Variants in PDGFC observed in about 807,000 individuals in gnomAD.
The protein encoded by PDGFC is platelet derived growth factor C.
In PDGFC, 12 loss-of-function variants were observed where a neutral mutation model predicts 35.5. The ratio of observed to expected loss-of-function variants is 0.34; its 90% CI spans 0.22 to 0.55. The LOEUF is 0.55. PDGFC is among the 20% of genes least tolerant of loss of function. The pLI, the probability that PDGFC is intolerant of heterozygous loss-of-function variation, is 0.91. For missense variants in PDGFC, 322 were observed against 412.4 expected (o/e 0.78, Z 1.90); for synonymous variants, 159 against 148.8 (o/e 1.07, Z -0.50).
intron 3 of PDGFC, among the ~76,000 whole-genome samples, chr4:156,791,525 A>G (rs1048780602): frequency 1.3e-5 from 2 of 152,172 alleles, no homozygotes; most frequent in African/African-American, 4.8e-5. Flanking sequence ...AGAGGAAATA[A>G]TGTAAAGAAT....
At chr4:156,821,552 T>C (rs1732261061) in intron 2 of PDGFC, among the ~76,000 whole-genome samples, 1 of 152,064 alleles carries the variant, frequency 6.6e-6, no homozygotes, top group Admixed American at 6.5e-5. Flanking sequence ...ATATTTATTT[T>C]ATTTTATCTT....
chr4:156,948,563 C>T (rs1732002590), intron 1 of PDGFC, among the ~76,000 whole-genome samples: 1 of 151,930 alleles, frequency 6.6e-6, no homozygotes, highest in Non-Finnish European at 1.5e-5. Context: ...TTTGCCTTCC[C>T]TGAACCCTCT....
intron 1 of PDGFC, among the ~76,000 whole-genome samples, chr4:156,933,961 C>A (rs558168143): frequency 1.3e-5 from 2 of 152,244 alleles, no homozygotes; most frequent in East Asian, 3.9e-4. Context: ...TATAAATTAC[C>A]CAGTCTCAGG....
chr4:156,909,158 A>C (rs1388461309), intron 1 of PDGFC, among the ~76,000 whole-genome samples: 1 of 152,182 alleles, frequency 6.6e-6, no homozygotes. Context: ...AAATATTCTG[A>C]GTTTGAGAAG....
chr4:156,823,844 C>T (rs754655912), intron 2 of PDGFC, among the ~76,000 whole-genome samples: 9 of 151,996 alleles, frequency 5.9e-5, no homozygotes, highest in South Asian at 4.1e-4. Context: ...TGTCCATCAA[C>T]GAATAAATGG....
chr4:156,768,820 A>T (rs749617182), intron 4 of PDGFC, among the ~76,000 whole-genome samples: 1 of 152,054 alleles, frequency 6.6e-6, no homozygotes, highest in Non-Finnish European at 1.5e-5. Context: ...ACCTAACAAA[A>T]TATTCTTTAT....
chr4:156,820,859 A>G (rs1732234242), intron 2 of PDGFC, among the ~76,000 whole-genome samples: 1 of 152,244 alleles, frequency 6.6e-6, no homozygotes, highest in Admixed American at 6.5e-5. Flanking sequence ...TAGAGGCAGT[A>G]TATTGGATCA....
At chr4:156,827,200 G>A (rs893721763) in intron 2 of PDGFC, among the ~76,000 whole-genome samples, 6 of 152,232 alleles carry the variant, frequency 3.9e-5, no homozygotes, top group African/African-American at 7.2e-5. Context: ...GGCGGAACAC[G>A]AGGTCAGGAG....
chr4:156,838,023 A>G (rs72683345), intron 2 of PDGFC, among the ~76,000 whole-genome samples: 2,168 of 152,292 alleles, frequency 0.014, 24 homozygotes, highest in Non-Finnish European at 0.025. Flanking sequence ...TCAAAGGACA[A>G]CAAAGCTATA....
chr4:156,888,867 G>C (rs1014907809), intron 1 of PDGFC, among the ~76,000 whole-genome samples: 2 of 152,168 alleles, frequency 1.3e-5, no homozygotes, highest in Non-Finnish European at 1.5e-5. Flanking sequence ...CATAATTAGA[G>C]AGATTGCTCA....
intron 1 of PDGFC, among the ~76,000 whole-genome samples, chr4:156,941,524 T>A (rs1264249282): frequency 6.6e-6 from 1 of 152,204 alleles, no homozygotes; most frequent in African/African-American, 2.4e-5. Flanking sequence ...GCTTTATCAT[T>A]TTCTAGAATG....
intron 2 of PDGFC, among the ~76,000 whole-genome samples, chr4:156,833,825 T>C (rs986476575): frequency 6.6e-6 from 1 of 152,180 alleles, no homozygotes; most frequent in African/African-American, 2.4e-5. Flanking sequence ...GGAATAATGA[T>C]ACCTACTCCT....
intron 1 of PDGFC, among the ~76,000 whole-genome samples, chr4:156,910,478 T>C (rs1490372159): frequency 6.6e-6 from 1 of 152,166 alleles, no homozygotes; most frequent in Admixed American, 6.6e-5. Flanking sequence ...TTGTAGCTTT[T>C]ACAAATAAAG....
intron 3 of PDGFC, among the ~76,000 whole-genome samples, chr4:156,810,566 T>C (rs1221189616): frequency 1.3e-5 from 2 of 152,018 alleles, no homozygotes; most frequent in Non-Finnish European, 2.9e-5. Context: ...CTAGATAATA[T>C]TTCATAGACT....
chr4:156,918,738 T>G (rs1731206287), intron 1 of PDGFC, among the ~76,000 whole-genome samples: 1 of 152,186 alleles, frequency 6.6e-6, no homozygotes, highest in Admixed American at 6.5e-5. Context: ...AGGACAACTC[T>G]CTTCCGTGAA....
chr4:156,846,972 A>C (rs1285905654), intron 2 of PDGFC, among the ~76,000 whole-genome samples: 1 of 151,976 alleles, frequency 6.6e-6, no homozygotes, highest in South Asian at 2.1e-4. Flanking sequence ...TTTCAGCAAG[A>C]AAGTTAATAA....
intron 2 of PDGFC, among the ~76,000 whole-genome samples, chr4:156,829,561 C>T (rs957199810): frequency 6.6e-5 from 10 of 151,986 alleles, no homozygotes; most frequent in African/African-American, 2.4e-4. Context: ...ATTGCTTTAT[C>T]CTGTTAAAAT....
rs1420559011 is a variant in PDGFC, at chr4:156,762,917, A to G, written c.*173T>C. On this transcript the variant is annotated 3_prime_UTR_variant, in exon 6 of 6. Coordinates refer to ENST00000502773, the MANE Select transcript of PDGFC (RefSeq NM_016205.3). ...CCTCCTCTCAAAAGAGCTGTTGCAC[A>G]ACTCCTAATTCTGTTTGATGTCTCC... 5 of 525,144 alleles carry G rather than the reference A, an allele frequency of 9.5e-6. No homozygotes were observed. Among genetic ancestry groups the G allele is most frequent in the Non-Finnish European group, 1.4e-5 (4 of 290,520 alleles). 32.5% of individuals were successfully genotyped at this position (525,144 alleles called of 1,614,324 possible).
intron 3 of PDGFC, among the ~76,000 whole-genome samples, chr4:156,796,779 C>A (rs117480585): frequency 2.0e-5 from 3 of 151,826 alleles, no homozygotes; most frequent in Admixed American, 1.3e-4. Context: ...AGTAAGTATT[C>A]GAGAAATGAT....
Sources: allele counts gnomAD v4.1 joint callset (sites outside exome capture counted in the v4.1 genomes callset), GRCh38; gene constraint gnomAD v4.1.1; transcripts MANE v1.5; gene names NCBI Gene and HGNC (gene_info 2026-07-23, HGNC 2026-07-21).